The following PTCD3 variants were observed in gnomAD, a reference collection of about 807,000 sequenced individuals.
PTCD3 encodes pentatricopeptide repeat domain 3.
In PTCD3, 89 loss-of-function variants were observed where a neutral mutation model predicts 101.9. The ratio of observed to expected loss-of-function variants is 0.87; its 90% CI spans 0.74 to 1.04. PTCD3 has a LOEUF of 1.04. Among genes scored for constraint, PTCD3 ranks in the 50% least tolerant of loss-of-function variants. The pLI is 0.00. For synonymous variants in PTCD3, 296 were observed against 278.5 expected (o/e 1.06, Z -0.63); for missense variants, 870 against 828.2 (o/e 1.05, Z -0.62).
intron 3 of PTCD3, among the ~76,000 whole-genome samples, chr2:86,110,049 A>G (rs1306759368): frequency 2.0e-5 from 3 of 152,222 alleles, no homozygotes; most frequent in African/African-American, 4.8e-5. Flanking sequence ...TTATTTTTTT[A>G]AGATAATGTA....
intron 21 of PTCD3, 26 bp downstream of exon 21, chr2:86,135,013 CT>C (rs2104462760): frequency 6.3e-7 from 1 of 1,576,890 alleles, no homozygotes; most frequent in East Asian, 2.3e-5. Context: ...CAAGTATACA[CT>C]TTAGAAGCTT....
chr2:86,126,701 G>A lies in PTCD3; in HGVS notation c.952-460G>A, dbSNP rs1011570753. Among the ~76,000 whole-genome samples, 5 of 152,118 alleles carry A rather than the reference G, an allele frequency of 3.3e-5. 1 individual carries two copies. Among genetic ancestry groups the A allele is most frequent in the South Asian group, 4.2e-4 (2 of 4,814 alleles). On this transcript the variant is annotated intron_variant, in intron 12 of 23. Transcript: ENST00000254630. ...AAAATACAAAAATTAGCCGGGCATA[G>A]TGGTGCTCGCCTGTAGTCGCAGCTA... is the stretch of plus-strand genomic sequence containing the variant.
rs116771279 is a variant in PTCD3 at position 86,108,933 on chromosome 2, C to T, written c.194+397C>T. 6.3e-3 allele frequency: 1,064 copies of T among 168,906 alleles called. 14 individuals are homozygous for T. The highest frequency in any genetic ancestry group is 0.023 in the African/African-American group (980 of 42,294). The allele number at this position is 168,906 out of a possible 1,614,324, so 10.5% of individuals were successfully genotyped here. On this transcript the variant is annotated intron_variant, in intron 3 of 23. Coordinates refer to ENST00000254630, the MANE Select transcript of PTCD3 (RefSeq NM_017952.6). ...AAAATAAAGTAAATGGTGTGGACAGCAAAATTTAGCTTTTTTATTCACTGG... is the reference window on the plus strand; with the variant it reads ...AAAATAAAGTAAATGGTGTGGACAGTAAAATTTAGCTTTTTTATTCACTGG...
chr2:86,127,514 G>A, intron 13 of PTCD3: 1 of 558,766 alleles, frequency 1.8e-6, no homozygotes, highest in Non-Finnish European at 3.0e-6. Context: ...TAGGTACTTT[G>A]TTTATGGATC....
At chr2:86,106,999 T>C (rs963998511) in intron 1 of PTCD3, 2 of 384,976 alleles carry the variant, frequency 5.2e-6, no homozygotes, top group Non-Finnish European at 5.4e-6. Flanking sequence ...CTTAATTGGA[T>C]GATAATAGAC....
chr2:86,130,854 A>G (rs1674483555), intron 15 of PTCD3, 117 bp downstream of exon 15: 2 of 1,429,942 alleles, frequency 1.4e-6, no homozygotes, highest in Non-Finnish European at 1.8e-6. Flanking sequence ...TTTTTTTTTA[A>G]ATAAATTTGA....
intron 10 of PTCD3, 76 bp from the exon 11 acceptor site, chr2:86,125,379 C>T: frequency 6.8e-7 from 1 of 1,464,554 alleles, no homozygotes; most frequent in Non-Finnish European, 9.6e-7. Context: ...AGCTATATTA[C>T]CAAACTCTAG....
chr2:86,122,031 G>A (rs185405653), intron 8 of PTCD3, among the ~76,000 whole-genome samples: 3 of 152,224 alleles, frequency 2.0e-5, no homozygotes, highest in African/African-American at 4.8e-5. Flanking sequence ...CCTCTCTCTC[G>A]ACTCGCGAAT....
chr2:86,109,221 C>T (rs1027186326), intron 3 of PTCD3, among the ~76,000 whole-genome samples: 1 of 152,184 alleles, frequency 6.6e-6, no homozygotes, highest in South Asian at 2.1e-4. Context: ...CTGGCTAACA[C>T]GGTGAAACCC....
Position 86,137,805 on chromosome 2 carries a change from A to C in PTCD3, c.*246A>C. The stretch of plus-strand genomic sequence containing the variant: ...TTTAAGTAGCAACATTGCGGTTTTC[A>C]GACACATGGTGAGGTCCATGGCTCT... On this transcript the variant is annotated 3_prime_UTR_variant, in exon 24 of 24. Coordinates refer to ENST00000254630, the MANE Select transcript of PTCD3 (RefSeq NM_017952.6). The C allele has an allele frequency of 2.3e-6, 1 of 425,762 alleles. No individual in the cohort carries two copies. The highest frequency in any genetic ancestry group is 4.3e-6 in the Non-Finnish European group (1 of 230,598). The allele number at this position is 425,762 out of a possible 1,614,324, so 26.4% of individuals were successfully genotyped here.
chr2:86,106,462 C>G, intron 1 of PTCD3, 111 bp downstream of exon 1: 1 of 1,135,548 alleles, frequency 8.8e-7, no homozygotes. Context: ...CATGCGCGCC[C>G]TTAACGGTCG....
intron 13 of PTCD3, chr2:86,127,525 T>C (rs1674417610): frequency 3.7e-6 from 2 of 537,266 alleles, no homozygotes; most frequent in Admixed American, 7.5e-5. Flanking sequence ...TTTATGGATC[T>C]GTTGAATCTG....
At chr2:86,117,647 G>C (rs1031388069) in intron 6 of PTCD3, among the ~76,000 whole-genome samples, 2 of 151,990 alleles carry the variant, frequency 1.3e-5, no homozygotes, top group Admixed American at 1.3e-4. Context: ...GTAGAGAACA[G>C]GGTCTTGTCT....
chr2:86,108,205 G>C (rs1323690882), intron 1 of PTCD3, 145 bp from the exon 2 acceptor site: 1 of 860,012 alleles, frequency 1.2e-6, no homozygotes, highest in African/African-American at 1.7e-5. Flanking sequence ...CATGTGTACA[G>C]ACTGTCTTCT....
rs1190451451 is a variant in PTCD3 at position 86,116,597 on chromosome 2, CTG to C, written c.309+2_309+3del. 2 of 1,600,506 alleles carry C rather than the reference CTG, an allele frequency of 1.2e-6. No individual in the cohort carries two copies. Among genetic ancestry groups the C allele is most frequent in the South Asian group, 2.2e-5 (2 of 90,754 alleles). ...CTTATGCCAGCATCATCTTTGGAATCTGTGAGTATTTTCATATAATTTTCTAG... is the reference window on the plus strand; with the variant it reads ...CTTATGCCAGCATCATCTTTGGAATCTGAGTATTTTCATATAATTTTCTAG... On this transcript the variant is annotated splice_donor_variant and coding_sequence_variant, in exon 5 of 24. Transcript: ENST00000254630. LOFTEE classifies it high-confidence loss of function.
Position 86,130,673 on chromosome 2 carries a change from C to A in PTCD3, c.1173C>A (p.Phe391Leu). The A allele has an allele frequency of 6.2e-7, 1 of 1,613,142 alleles. No individual in the cohort carries two copies. The highest frequency in any genetic ancestry group is 2.2e-5 in the East Asian group (1 of 44,846). ...GAGACCCTTTAAAGAGATCATCCTT[C>A]ATCATTTATGATATAATGAATGAAT... ...QPGDPLKRSS[F>L]IIYDIMNELM... The change falls in exon 15 of 24, where the codon TTC becomes TTA. Residue 391 changes from phenylalanine to leucine, a missense_variant. Phe to Leu is a conservative substitution (Grantham distance 22). Transcript: ENST00000254630.
chr2:86,129,875 T>C (rs1004000343), intron 14 of PTCD3, among the ~76,000 whole-genome samples: 1 of 152,154 alleles, frequency 6.6e-6, no homozygotes, highest in African/African-American at 2.4e-5. Context: ...CTGGGAATAT[T>C]GCAGATGATT....
At position 86,134,850 on chromosome 2, in the gene PTCD3, AT is replaced by A; in HGVS notation, c.1644del (p.Phe548LeufsTer32). On this transcript the variant is annotated frameshift_variant, in exon 21 of 24. Coordinates refer to ENST00000254630, the MANE Select transcript of PTCD3 (RefSeq NM_017952.6). LOFTEE classifies it high-confidence loss of function. ...DKHPPELQVA[F>X]ADCAADIKSA... is the part of the protein sequence containing the mutation. The stretch of plus-strand genomic sequence containing the variant: ...CCTAAGCTTCTCAGCTTCAGGTGGC[AT>A]TTGCTGACTGTGCTGCTGATATCAA... The A allele has an allele frequency of 6.2e-7, 1 of 1,614,120 alleles. No individual in the cohort carries two copies. Among genetic ancestry groups the A allele is most frequent in the Non-Finnish European group, 8.5e-7 (1 of 1,180,024 alleles).
Position 86,128,432 on chromosome 2 carries a change from T to C in PTCD3, c.1147+441T>C, listed in dbSNP as rs186251909. 3.3e-3 allele frequency among the ~76,000 whole-genome samples: 505 copies of C among 152,298 alleles called. 1 individual carries two copies. The highest frequency in any genetic ancestry group is 5.2e-3 in the Non-Finnish European group (357 of 68,018). On this transcript the variant is annotated intron_variant, in intron 14 of 23. Transcript: ENST00000254630. ...TAGAATATATTTTGGTTGAAATTCCTTTTGTTCTCTGGAGCTGTGCTATTT... is the reference window on the plus strand; with the variant it reads ...TAGAATATATTTTGGTTGAAATTCCCTTTGTTCTCTGGAGCTGTGCTATTT...
Sources: gnomAD v4.1 joint callset for allele counts (sites outside exome capture counted in the v4.1 genomes callset) on GRCh38, gnomAD v4.1.1 for gene constraint, MANE v1.5 for transcripts, NCBI Gene and HGNC (gene_info 2026-07-23, HGNC 2026-07-21) for gene names.